The following MEP1B variants were observed in gnomAD, a reference collection of about 807,000 sequenced individuals.
MEP1B encodes the protein N-benzoyl-L-tyrosyl-P-amino-benzoic acid hydrolase subunit beta.
In MEP1B, 80 loss-of-function variants were observed where a neutral mutation model predicts 84.6. That is an observed-to-expected ratio of 0.95 (90% CI 0.79 to 1.14). The LOEUF is 1.14. MEP1B is among the 50% of genes most tolerant of loss of function. The pLI, the probability that MEP1B is intolerant of heterozygous loss-of-function variation, is 0.00. For missense variants in MEP1B, 766 were observed against 855.1 expected (o/e 0.90, Z 1.30); for synonymous variants, 273 against 288.1 (o/e 0.95, Z 0.53).
Position 32,191,847 on chromosome 18 carries a change from C to G in MEP1B, c.82+7C>G. 1 of 1,526,838 alleles carries G rather than the reference C, an allele frequency of 6.5e-7. No homozygotes were observed. Among genetic ancestry groups the G allele is most frequent in the African/African-American group, 1.4e-5 (1 of 73,204 alleles). The allele number at this position is 1,526,838 out of a possible 1,614,324, so 94.6% of individuals were successfully genotyped here. A position where few individuals can be genotyped will look rare whatever the true frequency, so the allele number is the denominator to read the frequency against. On this transcript the variant is annotated splice_region_variant and intron_variant, in intron 2 of 14. Transcript: ENST00000269202. Reference sequence around the variant, plus strand: ...GCAACTCCAGAAAACTTTGGTGAGTCTATTTTGAGTTTTGTTCTAGGTTAT... The same window carrying G: ...GCAACTCCAGAAAACTTTGGTGAGTGTATTTTGAGTTTTGTTCTAGGTTAT...
At position 32,204,357 on chromosome 18, in the gene MEP1B, T is replaced by C; in HGVS notation, c.544T>C (p.Ser182Pro). The C allele has an allele frequency of 6.3e-7, 1 of 1,581,948 alleles. No homozygotes were observed. Among genetic ancestry groups the C allele is most frequent in the Non-Finnish European group, 8.6e-7 (1 of 1,162,854 alleles). The change falls in exon 7 of 15, where the codon TCA becomes CCA. Residue 182 changes from serine to proline, a missense_variant. Ser to Pro is a moderately conservative substitution (Grantham distance 74). Transcript: ENST00000269202. ...YVRIMWDRIL[S>P]GREHNFNTYS... ...CAGGATAATGTGGGACAGAATTCTGTCAGGTACATTTCTCTTTTTTTCCTA... is the reference window on the plus strand; with the variant it reads ...CAGGATAATGTGGGACAGAATTCTGCCAGGTACATTTCTCTTTTTTTCCTA...
intron 10 of MEP1B, among the ~76,000 whole-genome samples, chr18:32,212,027 A>G (rs1461599046): frequency 6.7e-6 from 1 of 148,272 alleles, no homozygotes; most frequent in African/African-American, 2.5e-5. Context: ...AAATATATAA[A>G]GAATAATTAT....
intron 5 of MEP1B, among the ~76,000 whole-genome samples, chr18:32,201,627 T>G (rs896206187): frequency 4.6e-5 from 7 of 152,218 alleles, no homozygotes; most frequent in Non-Finnish European, 7.3e-5. Flanking sequence ...TATTAACATA[T>G]GTATGTTATA....
intron 14 of MEP1B, among the ~76,000 whole-genome samples, chr18:32,219,390 T>C (rs1043622713): frequency 1.3e-5 from 2 of 152,178 alleles, no homozygotes; most frequent in African/African-American, 4.8e-5. Context: ...TATAAACAGG[T>C]TGTTTTGTTT....
rs762034387 is a variant in MEP1B, at chr18:32,208,167, T to G, written c.815T>G (p.Val272Gly). The G allele has an allele frequency of 4.3e-6, 7 of 1,614,012 alleles. No individual in the cohort carries two copies. Among genetic ancestry groups the G allele is most frequent in the Non-Finnish European group, 5.9e-6 (7 of 1,179,882 alleles). Residue 272 changes from valine (V) to glycine (G), a missense_variant, in exon 9 of 15, where the codon GTG becomes GGG. Val to Gly is a moderately radical substitution (Grantham distance 109). Transcript: ENST00000269202. ...TCGTGCAGTTTTGAACTGGAAAATG[T>G]GTGTGGCATGATCCAAAGTTCAGGA... ...MDSCSFELEN[V>G]CGMIQSSGDN...
intron 11 of MEP1B, among the ~76,000 whole-genome samples, 164 bp from the exon 12 acceptor site, chr18:32,214,918 T>C (rs2041066522): frequency 6.6e-6 from 1 of 152,216 alleles, no homozygotes; most frequent in Admixed American, 6.5e-5. Context: ...ACAGTATAAA[T>C]GAACAAGCCC....
chr18:32,214,221 T>G (rs2041059765), intron 11 of MEP1B, among the ~76,000 whole-genome samples: 1 of 152,174 alleles, frequency 6.6e-6, no homozygotes. Context: ...ACAGAGGACT[T>G]GCTAATCATG....
At chr18:32,195,601 T>C in intron 5 of MEP1B, 116 bp downstream of exon 5, 2 of 606,296 alleles carry the variant, frequency 3.3e-6, no homozygotes, top group South Asian at 5.3e-5. Flanking sequence ...TTTGCTCCTT[T>C]GTGTGGCTAT....
chr18:32,206,852 C>T (rs577738575), intron 7 of MEP1B, among the ~76,000 whole-genome samples: 269 of 152,208 alleles, frequency 1.8e-3, no homozygotes, highest in African/African-American at 6.0e-3. Flanking sequence ...CCTCATGATC[C>T]GCCTGCCTCG....
chr18:32,211,211 T>C (rs2041023813), intron 10 of MEP1B, among the ~76,000 whole-genome samples: 1 of 152,016 alleles, frequency 6.6e-6, no homozygotes, highest in African/African-American at 2.4e-5. Flanking sequence ...GGGGTGGCAG[T>C]TGAGCCGAGA....
intron 5 of MEP1B, among the ~76,000 whole-genome samples, chr18:32,198,557 G>A (rs547592607): frequency 6.6e-6 from 1 of 152,278 alleles, no homozygotes; most frequent in South Asian, 2.1e-4. Context: ...GCAAGGGAAG[G>A]GTGCTTTAGC....
At chr18:32,208,294 A>C in intron 9 of MEP1B, 23 bp downstream of exon 9, 1 of 1,600,442 alleles carries the variant, frequency 6.2e-7, no homozygotes, top group Admixed American at 1.7e-5. Flanking sequence ...AGATATTCCT[A>C]GACTGTATAC....
intron 5 of MEP1B, among the ~76,000 whole-genome samples, chr18:32,197,896 C>A (rs971524969): frequency 6.6e-6 from 1 of 152,308 alleles, no homozygotes; most frequent in East Asian, 1.9e-4. Flanking sequence ...CCTCCCTTTC[C>A]CCTCTTGTAG....
In MEP1B at chr18:32,210,651, T is replaced by A; in HGVS notation, c.1070T>A (p.Ile357Asn). Residue 357 changes from isoleucine to asparagine, a missense_variant, in exon 10 of 15, where the codon ATC becomes AAC. Coordinates refer to ENST00000269202, the MANE Select transcript of MEP1B (RefSeq NM_005925.3). ...GGCAGTGAAAGTGATCAACTGAACA[T>A]CTATATCAGGGAGTATTCTGCAGAC... ...NSGSESDQLNIYIREYSADNV... is the reference protein window; with the variant it reads ...NSGSESDQLNNYIREYSADNV... 6.2e-7 allele frequency: 1 copy of A among 1,614,006 alleles called. No individual in the cohort carries two copies. Among genetic ancestry groups the A allele is most frequent in the South Asian group, 1.1e-5 (1 of 91,084 alleles).
chr18:32,199,197 G>A (rs1294788248), intron 5 of MEP1B, among the ~76,000 whole-genome samples: 2 of 152,222 alleles, frequency 1.3e-5, no homozygotes, highest in Non-Finnish European at 2.9e-5. Flanking sequence ...ATTCAAGGTC[G>A]AGAAATGTTT....
intron 12 of MEP1B, among the ~76,000 whole-genome samples, chr18:32,215,819 G>A (rs776620227): frequency 5.9e-5 from 9 of 151,648 alleles, no homozygotes; most frequent in Non-Finnish European, 1.0e-4. Context: ...GCGAGACTCC[G>A]TCTCAAAAAA....
At chr18:32,218,836 G>A (rs1446914779) in intron 14 of MEP1B, among the ~76,000 whole-genome samples, 1 of 152,198 alleles carries the variant, frequency 6.6e-6, no homozygotes, top group Non-Finnish European at 1.5e-5. Context: ...CGGCCTTTGG[G>A]GGAGGGCATT....
intron 5 of MEP1B, among the ~76,000 whole-genome samples, chr18:32,201,453 T>C (rs190842955): frequency 1.4e-3 from 218 of 152,256 alleles, no homozygotes; most frequent in Non-Finnish European, 2.8e-3. Flanking sequence ...GGTGGCAATT[T>C]ATTTTGATTG....
chr18:32,200,120 T>C (rs2040897587), intron 5 of MEP1B, among the ~76,000 whole-genome samples: 1 of 152,134 alleles, frequency 6.6e-6, no homozygotes, highest in African/African-American at 2.4e-5. Flanking sequence ...TAAGAGCTAT[T>C]TTTCATCTTG....
Sources: gnomAD v4.1 joint callset for allele counts (sites outside exome capture counted in the v4.1 genomes callset) on GRCh38, gnomAD v4.1.1 for gene constraint, MANE v1.5 for transcripts, NCBI Gene and HGNC (gene_info 2026-07-23, HGNC 2026-07-21) for gene names.